The following SEMA3A variants were observed in gnomAD, a reference collection of about 807,000 sequenced individuals.
SEMA3A encodes the protein semaphorin 3A.
In SEMA3A, 29 loss-of-function variants were observed where a neutral mutation model predicts 97.9. That is an observed-to-expected ratio of 0.30 (90% CI 0.22 to 0.40). SEMA3A has a LOEUF of 0.40. SEMA3A is among the 10% of genes least tolerant of loss of function. The pLI, the probability that SEMA3A is intolerant of heterozygous loss-of-function variation, is 1.00. For missense variants in SEMA3A, 763 were observed against 951.3 expected (o/e 0.80, Z 2.60); for synonymous variants, 321 against 323.7 (o/e 0.99, Z 0.09).
intron 12 of SEMA3A, among the ~76,000 whole-genome samples, chr7:83,988,301 G>A (rs1405799043): frequency 2.0e-5 from 3 of 151,308 alleles, no homozygotes; most frequent in Non-Finnish European, 2.9e-5. Flanking sequence ...ATCTCGGCTC[G>A]CTGCTAGCTC....
rs906490817 is a variant in SEMA3A, at chr7:83,956,181, C to G, written c.*5190G>C. On this transcript the variant is annotated 3_prime_UTR_variant, in exon 17 of 17. Coordinates refer to ENST00000265362, the MANE Select transcript of SEMA3A (RefSeq NM_006080.3). Reference sequence around the variant, plus strand: ...TACTCCATCTAAGGTATGCCTTGAACAAATGCAGACTTCACATTTTAATGC... The same window carrying G: ...TACTCCATCTAAGGTATGCCTTGAAGAAATGCAGACTTCACATTTTAATGC... The G allele has an allele frequency of 5.9e-5, 9 of 152,298 alleles. No homozygotes were observed. The highest frequency in any genetic ancestry group is 2.2e-4 in the African/African-American group (9 of 41,578). 9.4% of individuals were successfully genotyped at this position (152,298 alleles called of 1,614,324 possible). A position where few individuals can be genotyped will look rare whatever the true frequency, so the allele number is the denominator to read the frequency against.
chr7:83,999,895 GGAT>G (rs1413233933), intron 12 of SEMA3A, among the ~76,000 whole-genome samples: 2 of 152,066 alleles, frequency 1.3e-5, no homozygotes, highest in African/African-American at 4.8e-5. Flanking sequence ...TGCAGAATCA[GGAT>G]GATAACTTGT....
intron 1 of SEMA3A, among the ~76,000 whole-genome samples, chr7:84,490,952 G>A (rs544406556): frequency 6.6e-6 from 1 of 152,272 alleles, no homozygotes; most frequent in African/African-American, 2.4e-5. Flanking sequence ...CAATGCCAAC[G>A]ATTGTCGGTT....
chr7:84,264,886 G>T (rs1722811579), intron 3 of SEMA3A, among the ~76,000 whole-genome samples: 1 of 152,078 alleles, frequency 6.6e-6, no homozygotes, highest in Admixed American at 6.6e-5. Flanking sequence ...AATAAGATTT[G>T]AAGTTGTCTA....
intron 1 of SEMA3A, among the ~76,000 whole-genome samples, chr7:84,376,438 T>TA (rs1415705019): frequency 7.4e-6 from 1 of 134,918 alleles, no homozygotes; most frequent in African/African-American, 2.8e-5. Context: ...CCGTCTCTAC[T>TA]AAAAAACACA....
intron 2 of SEMA3A, among the ~76,000 whole-genome samples, chr7:84,361,948 T>A (rs938213382): frequency 6.6e-6 from 1 of 152,016 alleles, no homozygotes; most frequent in South Asian, 2.1e-4. Flanking sequence ...TTTTGAATTC[T>A]TGAAAACAGA....
At chr7:84,023,706 A>G (rs951983326) in intron 6 of SEMA3A, among the ~76,000 whole-genome samples, 3 of 152,132 alleles carry the variant, frequency 2.0e-5, no homozygotes, top group Admixed American at 6.5e-5. Flanking sequence ...AAAGGAAAAA[A>G]CAAGGCTTTA....
intron 1 of SEMA3A, among the ~76,000 whole-genome samples, chr7:84,407,145 G>A (rs1375463769): frequency 2.0e-5 from 3 of 152,126 alleles, no homozygotes; most frequent in South Asian, 2.1e-4. Flanking sequence ...TGTATATCTG[G>A]AAAACCCCAT....
chr7:84,165,223 T>C (rs1797163454), intron 1 of SEMA3A, among the ~76,000 whole-genome samples: 1 of 151,784 alleles, frequency 6.6e-6, no homozygotes, highest in South Asian at 2.1e-4. Context: ...AATAAATAAA[T>C]AAATAAAATA....
chr7:84,237,963 A>G (rs559375506), intron 3 of SEMA3A, among the ~76,000 whole-genome samples: 94 of 152,294 alleles, frequency 6.2e-4, no homozygotes, highest in Non-Finnish European at 1.2e-3. Context: ...ATAGGCCACC[A>G]TCTCTATGGA....
intron 4 of SEMA3A, among the ~76,000 whole-genome samples, chr7:84,064,366 G>A (rs568633038): frequency 5.9e-5 from 9 of 152,174 alleles, no homozygotes; most frequent in South Asian, 2.1e-4. Context: ...ATCAACTAAC[G>A]AGCAAAATAA....
intron 1 of SEMA3A, among the ~76,000 whole-genome samples, chr7:84,400,141 T>C (rs1329407353): frequency 1.3e-5 from 2 of 152,176 alleles, no homozygotes; most frequent in African/African-American, 4.8e-5. Flanking sequence ...CAGTCCCCTC[T>C]GAATTCTTGG....
Position 84,102,403 on chromosome 7 carries a change from T to A in SEMA3A, c.453+8067A>T, listed in dbSNP as rs145677652. ...TGGCTTTGGCTGTGGAAGACAATGA[T>A]CTACAAGTACTAACTGGATGAGACA... On this transcript the variant is annotated intron_variant, in intron 4 of 16. Transcript: ENST00000265362. Among the ~76,000 whole-genome samples the A allele has an allele frequency of 2.7e-3, 417 of 152,148 alleles. 3 individuals carry two copies. Among genetic ancestry groups the A allele is most frequent in the African/African-American group, 9.2e-3 (380 of 41,522 alleles).
chr7:84,453,991 T>C (rs537728368), intron 1 of SEMA3A, among the ~76,000 whole-genome samples: 1 of 152,244 alleles, frequency 6.6e-6, no homozygotes, highest in East Asian at 1.9e-4. Context: ...ACTTATAAAT[T>C]ATTCTTAACA....
chr7:84,132,162 T>C (rs1433714727), intron 2 of SEMA3A, among the ~76,000 whole-genome samples: 3 of 152,148 alleles, frequency 2.0e-5, no homozygotes, highest in Non-Finnish European at 2.9e-5. Flanking sequence ...CAATGTGATA[T>C]AATTAAAATA....
chr7:84,075,176 C>CTT (rs201373532), intron 4 of SEMA3A, among the ~76,000 whole-genome samples: 11 of 139,732 alleles, frequency 7.9e-5, no homozygotes, highest in Non-Finnish European at 7.8e-5. Context: ...TTGACTTCAA[C>CTT]TTTTTTTTTT....
chr7:84,097,430 A>G (rs1481465732), intron 4 of SEMA3A, among the ~76,000 whole-genome samples: 1 of 152,110 alleles, frequency 6.6e-6, no homozygotes, highest in Non-Finnish European at 1.5e-5. Context: ...CAGGGGTATA[A>G]AAATGCTGGT....
chr7:84,266,313 C>CAAAAAAAAAAAAAAAAAAA, intron 3 of SEMA3A, among the ~76,000 whole-genome samples: 2 of 70,482 alleles, frequency 2.8e-5, no homozygotes, highest in Non-Finnish European at 5.0e-5. Flanking sequence ...GATTTGGTCT[C>CAAAAAAAAAAAAAAAAAAA]AAAAAAAAAA....
intron 4 of SEMA3A, among the ~76,000 whole-genome samples, chr7:84,077,567 A>G (rs1293239497): frequency 6.6e-6 from 1 of 152,072 alleles, no homozygotes; most frequent in African/African-American, 2.4e-5. Flanking sequence ...TTAACATTTT[A>G]TTTATACCAA....
Sources: gnomAD v4.1 joint callset for allele counts (sites outside exome capture counted in the v4.1 genomes callset) on GRCh38, gnomAD v4.1.1 for gene constraint, MANE v1.5 for transcripts, NCBI Gene and HGNC (gene_info 2026-07-23, HGNC 2026-07-21) for gene names.